KIAA1328: variants seen among roughly 807,000 people sequenced by gnomAD.
The protein encoded by KIAA1328 is protein hinderin.
Under a neutral mutation model 68.1 loss-of-function variants are expected in KIAA1328, and 52 were observed. The ratio of observed to expected loss-of-function variants is 0.76; its 90% CI spans 0.61 to 0.96. The LOEUF is 0.96. Ranked by LOEUF, KIAA1328 falls within the 40% of genes least tolerant of loss-of-function variation. The pLI, the probability that KIAA1328 is intolerant of heterozygous loss-of-function variation, is 0.00. For synonymous variants in KIAA1328, 232 were observed against 239.4 expected (o/e 0.97, Z 0.28); for missense variants, 641 against 677.6 (o/e 0.95, Z 0.60).
At chr18:37,047,450 T>C (rs1025756875) in intron 6 of KIAA1328, among the ~76,000 whole-genome samples, 23 of 152,190 alleles carry the variant, frequency 1.5e-4, no homozygotes, top group African/African-American at 5.3e-4. Context: ...TACTGGCTCC[T>C]TCCTAAAATT....
intron 6 of KIAA1328, among the ~76,000 whole-genome samples, chr18:36,972,489 C>T (rs778205365): frequency 7.2e-5 from 11 of 152,056 alleles, no homozygotes; most frequent in East Asian, 1.9e-4. Context: ...GTTACCATGT[C>T]GGGGGAGGGG....
intron 7 of KIAA1328, among the ~76,000 whole-genome samples, chr18:37,127,772 C>T (rs924496922): frequency 2.6e-5 from 4 of 151,870 alleles, no homozygotes; most frequent in Admixed American, 1.3e-4. Flanking sequence ...TTAGAACACC[C>T]AAAATAATTT....
chr18:37,100,389 G>A (rs568813886), intron 7 of KIAA1328, among the ~76,000 whole-genome samples: 73 of 152,316 alleles, frequency 4.8e-4, no homozygotes, highest in African/African-American at 1.4e-3. Flanking sequence ...TGCCTGGCTC[G>A]GAGGGTCCTA....
At chr18:37,021,946 A>AAGG (rs2054363173) in intron 6 of KIAA1328, among the ~76,000 whole-genome samples, 8 of 152,108 alleles carry the variant, frequency 5.3e-5, no homozygotes, top group Admixed American at 5.2e-4. Context: ...AGGCTGAGGC[A>AAGG]GGAGAATGAC....
At chr18:36,850,669 A>G (rs1332219047) in intron 4 of KIAA1328, among the ~76,000 whole-genome samples, 5 of 152,150 alleles carry the variant, frequency 3.3e-5, no homozygotes, top group Non-Finnish European at 7.4e-5. Context: ...GAGTTACTTA[A>G]CCACAAGCAC....
At chr18:37,029,368 T>G (rs992197594) in intron 6 of KIAA1328, among the ~76,000 whole-genome samples, 1 of 152,008 alleles carries the variant, frequency 6.6e-6, no homozygotes, top group Admixed American at 6.6e-5. Flanking sequence ...TGCCTCGTCA[T>G]TTCTGATTGT....
intron 9 of KIAA1328, among the ~76,000 whole-genome samples, chr18:37,199,652 G>A (rs2060070574): frequency 6.6e-6 from 1 of 152,102 alleles, no homozygotes. Flanking sequence ...CTGTTTCTAG[G>A]TCTTTGAGGA....
intron 4 of KIAA1328, among the ~76,000 whole-genome samples, chr18:36,877,435 G>A (rs1010801602): frequency 5.3e-5 from 8 of 150,646 alleles, no homozygotes; most frequent in South Asian, 4.2e-4. Flanking sequence ...GCCGTTCTTC[G>A]TCTTTTTTGA....
At chr18:36,903,472 G>A (rs1177023010) in intron 5 of KIAA1328, 1 of 152,082 alleles carries the variant, frequency 6.6e-6, no homozygotes, top group African/African-American at 2.4e-5. Context: ...GGACTGAAAA[G>A]AAAGGGAAAT....
At chr18:36,888,739 C>T (rs948594766) in intron 5 of KIAA1328, among the ~76,000 whole-genome samples, 1 of 151,838 alleles carries the variant, frequency 6.6e-6, no homozygotes, top group African/African-American at 2.4e-5. Flanking sequence ...GATGATTTTA[C>T]AGTACATAAA....
At chr18:37,205,984 T>G (rs1188133294) in intron 9 of KIAA1328, among the ~76,000 whole-genome samples, 7 of 152,250 alleles carry the variant, frequency 4.6e-5, no homozygotes, top group Non-Finnish European at 8.8e-5. Context: ...ATCATTGGTA[T>G]CATTCCTTAG....
At chr18:37,093,138 A>G (rs2057312007) in intron 7 of KIAA1328, among the ~76,000 whole-genome samples, 1 of 152,242 alleles carries the variant, frequency 6.6e-6, no homozygotes, top group Non-Finnish European at 1.5e-5. Flanking sequence ...AAATATATTT[A>G]TAGAAAAAAC....
At chr18:37,030,572 A>C (rs1029109568) in intron 6 of KIAA1328, among the ~76,000 whole-genome samples, 1 of 152,186 alleles carries the variant, frequency 6.6e-6, no homozygotes, top group Admixed American at 6.5e-5. Context: ...ACCATATCAT[A>C]TGATCTGGCC....
At chr18:36,981,946 A>T (rs2052705639) in intron 6 of KIAA1328, among the ~76,000 whole-genome samples, 1 of 151,250 alleles carries the variant, frequency 6.6e-6, no homozygotes, top group Admixed American at 6.6e-5. Flanking sequence ...AATACACTGG[A>T]TCGGATTAAT....
chr18:37,191,659 C>G (rs2059906420), intron 9 of KIAA1328, among the ~76,000 whole-genome samples: 1 of 152,078 alleles, frequency 6.6e-6, no homozygotes, highest in Non-Finnish European at 1.5e-5. Context: ...TTGATCTTAT[C>G]TATCCCAAAA....
chr18:37,051,639 A>T (rs2055697930), intron 6 of KIAA1328, among the ~76,000 whole-genome samples: 1 of 152,228 alleles, frequency 6.6e-6, no homozygotes, highest in South Asian at 2.1e-4. Flanking sequence ...AGCTGGTACG[A>T]ATCTTACTGA....
intron 9 of KIAA1328, among the ~76,000 whole-genome samples, chr18:37,211,913 T>C (rs1252179168): frequency 6.6e-6 from 1 of 152,220 alleles, no homozygotes; most frequent in Non-Finnish European, 1.5e-5. Flanking sequence ...TATTTACTGT[T>C]TCCCAATTAT....
At chr18:37,039,921 G>C (rs1263460453) in intron 6 of KIAA1328, among the ~76,000 whole-genome samples, 3 of 152,042 alleles carry the variant, frequency 2.0e-5, no homozygotes, top group South Asian at 2.1e-4. Flanking sequence ...GCTCATTCAG[G>C]TTTTGGCAAA....
At chr18:37,201,147 A>G (rs1390584471) in intron 9 of KIAA1328, among the ~76,000 whole-genome samples, 2 of 152,186 alleles carry the variant, frequency 1.3e-5, no homozygotes, top group Non-Finnish European at 2.9e-5. Context: ...GCTTGTTGAA[A>G]CATCTTTAGT....
Sources: allele counts gnomAD v4.1 joint callset (sites outside exome capture counted in the v4.1 genomes callset), GRCh38; gene constraint gnomAD v4.1.1; transcripts MANE v1.5; gene names NCBI Gene and HGNC (gene_info 2026-07-23, HGNC 2026-07-21).